Variants in GPC5 observed in about 807,000 individuals in gnomAD.
GPC5 encodes the protein glypican-5.
A neutral mutation model predicts 53.9 loss-of-function variants in GPC5; 47 were observed. The ratio of observed to expected loss-of-function variants is 0.87; its 90% CI spans 0.69 to 1.11. The LOEUF (loss-of-function observed/expected upper bound fraction) is 1.11. GPC5 is among the 50% of genes most tolerant of loss of function. The probability of loss-of-function intolerance (pLI) is 0.00; values close to 1 mark genes in which losing one functional copy is unlikely to be tolerated. For missense variants in GPC5, 748 were observed against 713.1 expected, an observed-to-expected ratio of 1.05 and a Z score of -0.56; for synonymous variants, 286 against 263.3, an observed-to-expected ratio of 1.09 and a Z score of -0.84.
In GPC5 at chr13:91,695,128, A is replaced by T. The variant is rs556521888; in HGVS notation, c.1020+1247A>T. 1.1e-4 allele frequency among the ~76,000 whole-genome samples: 17 copies of T among 152,204 alleles called. No homozygotes were observed. In the East Asian group the frequency reaches 3.3e-3, roughly 29 times the overall value. On this transcript the variant is annotated intron_variant, in intron 3 of 7. Coordinates refer to ENST00000377067, the MANE Select transcript of GPC5 (RefSeq NM_004466.6). ...AGCATAGGGTAATGTGTGGGCTGAA[A>T]TTTAACTCCCTGCTTCATTCAGCTG...
intron 7 of GPC5, among the ~76,000 whole-genome samples, chr13:92,560,880 T>TGTGTGTGC (rs1490692354): frequency 6.6e-6 from 1 of 151,474 alleles, no homozygotes; most frequent in Non-Finnish European, 1.5e-5. Flanking sequence ...TGTGTGTGTG[T>TGTGTGTGC]GTGTGTGTGT....
At chr13:92,333,329 C>T (rs565049498) in intron 7 of GPC5, among the ~76,000 whole-genome samples, 1 of 152,248 alleles carries the variant, frequency 6.6e-6, no homozygotes, top group South Asian at 2.1e-4. Context: ...AAGGTTTGCA[C>T]TCAGAAGAAA....
intron 6 of GPC5, among the ~76,000 whole-genome samples, chr13:92,000,716 C>T (rs1232548548): frequency 2.0e-5 from 3 of 152,144 alleles, no homozygotes; most frequent in Non-Finnish European, 4.4e-5. Flanking sequence ...TTAGCACATC[C>T]TCAGATGCTG....
chr13:92,166,945 C>CTCTCTCTCTCTA (rs2042033565), intron 7 of GPC5, among the ~76,000 whole-genome samples: 3 of 67,898 alleles, frequency 4.4e-5, no homozygotes, highest in Admixed American at 1.6e-4. Context: ...CTCTCTCTCT[C>CTCTCTCTCTCTA]TCTCTCTCTC....
intron 7 of GPC5, among the ~76,000 whole-genome samples, chr13:92,595,767 C>CAAAAAA (rs35255458): frequency 8.6e-5 from 8 of 93,404 alleles, no homozygotes; most frequent in Non-Finnish European, 1.2e-4. Context: ...GACTCTGTCT[C>CAAAAAA]AAAAAAAAAA....
At chr13:92,754,114 G>C (rs1413023114) in intron 7 of GPC5, among the ~76,000 whole-genome samples, 2 of 152,200 alleles carry the variant, frequency 1.3e-5, no homozygotes, top group Non-Finnish European at 2.9e-5. Flanking sequence ...AAGCCCGTCA[G>C]ACTAACAGCG....
chr13:91,963,164 G>A (rs2040142410), intron 6 of GPC5, among the ~76,000 whole-genome samples: 1 of 152,122 alleles, frequency 6.6e-6, no homozygotes, highest in Admixed American at 6.6e-5. Context: ...ATTAGGTACA[G>A]GTATAAAGTC....
intron 7 of GPC5, among the ~76,000 whole-genome samples, chr13:92,720,627 T>C (rs1888481554): frequency 6.6e-6 from 1 of 152,128 alleles, no homozygotes; most frequent in Non-Finnish European, 1.5e-5. Flanking sequence ...ATAACGTACA[T>C]AAATGCAAAT....
intron 7 of GPC5, among the ~76,000 whole-genome samples, chr13:92,172,267 T>C (rs541477377): frequency 6.6e-6 from 1 of 152,172 alleles, no homozygotes; most frequent in African/African-American, 2.4e-5. Flanking sequence ...GGGGTCAAGT[T>C]GGGTTGTGCA....
intron 7 of GPC5, among the ~76,000 whole-genome samples, chr13:92,407,612 A>T (rs1434893378): frequency 6.6e-6 from 1 of 152,204 alleles, no homozygotes; most frequent in Non-Finnish European, 1.5e-5. Context: ...AACAAAATTG[A>T]ATATGTAGCT....
At chr13:91,495,786 G>T (rs112850694) in intron 2 of GPC5, among the ~76,000 whole-genome samples, 10,807 of 152,320 alleles carry the variant, frequency 0.071, 465 homozygotes, top group Non-Finnish European at 0.096. Context: ...ACTTTGGGAG[G>T]CCGAGGCGGG....
At chr13:92,453,818 G>C (rs886555307) in intron 7 of GPC5, among the ~76,000 whole-genome samples, 51 of 152,112 alleles carry the variant, frequency 3.4e-4, no homozygotes, top group African/African-American at 1.2e-3. Flanking sequence ...ATAAATGTTG[G>C]AAAATATGAG....
chr13:91,498,140 C>T (rs774550265), intron 2 of GPC5, among the ~76,000 whole-genome samples: 27 of 151,578 alleles, frequency 1.8e-4, no homozygotes, highest in African/African-American at 4.4e-4. Context: ...CTAACCCACC[C>T]GCCGCCACAC....
rs1486753740 is a variant in GPC5, at chr13:92,561,729, A to C, written c.1562-304553A>C. Reference sequence around the variant, plus strand: ...CTTCATATTAGAAAGGTTGCCTTACATTATTTTATTAAGAAAGAAAGTTTA... The same window carrying C: ...CTTCATATTAGAAAGGTTGCCTTACCTTATTTTATTAAGAAAGAAAGTTTA... On this transcript the variant is annotated intron_variant, in intron 7 of 7. Transcript: ENST00000377067. Among the ~76,000 whole-genome samples, 4 of 152,030 alleles carry C rather than the reference A, an allele frequency of 2.6e-5. No homozygotes were observed. The East Asian group carries it at 7.7e-4, about 29-fold the overall frequency.
At chr13:91,663,387 A>G (rs2035030740) in intron 2 of GPC5, among the ~76,000 whole-genome samples, 1 of 152,224 alleles carries the variant, frequency 6.6e-6, no homozygotes, top group African/African-American at 2.4e-5. Context: ...ATTTTGCTGT[A>G]TAAATATATG....
At chr13:92,261,086 T>G (rs1455419000) in intron 7 of GPC5, among the ~76,000 whole-genome samples, 2 of 152,194 alleles carry the variant, frequency 1.3e-5, no homozygotes, top group Non-Finnish European at 2.9e-5. Flanking sequence ...AACCATGTTG[T>G]AAGCATCTTT....
chr13:91,399,334 C>T, intron 1 of GPC5, 125 bp downstream of exon 1: 1 of 1,191,570 alleles, frequency 8.4e-7, no homozygotes, highest in Non-Finnish European at 1.2e-6. Flanking sequence ...CAGGGTGAAT[C>T]CCGGGGAGGC....
chr13:92,235,859 A>G (rs1055451678), intron 7 of GPC5, among the ~76,000 whole-genome samples: 2 of 152,036 alleles, frequency 1.3e-5, no homozygotes, highest in African/African-American at 4.8e-5. Context: ...ACTATTATTG[A>G]CATAAGAGTA....
chr13:91,592,590 C>T (rs1378524797), intron 2 of GPC5, among the ~76,000 whole-genome samples: 2 of 152,198 alleles, frequency 1.3e-5, no homozygotes, highest in Non-Finnish European at 2.9e-5. Flanking sequence ...ACTGTGGGCT[C>T]CTCTCCTGCT....
Sources: allele counts gnomAD v4.1 joint callset (sites outside exome capture counted in the v4.1 genomes callset), GRCh38; gene constraint gnomAD v4.1.1; transcripts MANE v1.5; gene names NCBI Gene and HGNC (gene_info 2026-07-23, HGNC 2026-07-21).